COL16A1: variants seen among roughly 807,000 people sequenced by gnomAD.
COL16A1 encodes collagen alpha-1(XVI) chain.
In COL16A1, 189 loss-of-function variants were observed where a neutral mutation model predicts 266.3. That is an observed-to-expected ratio of 0.71 (90% CI 0.63 to 0.80). The LOEUF is 0.80. COL16A1 is among the 30% of genes least tolerant of loss of function. COL16A1 has a pLI of 0.00. For missense variants in COL16A1, 1,928 were observed against 2,122.4 expected (o/e 0.91, Z 1.80); for synonymous variants, 740 against 782.3 (o/e 0.95, Z 0.90).
At chr1:31,672,933 C>CAGGGA in intron 44 of COL16A1, 93 bp from the exon 45 acceptor site, 5 of 1,177,180 alleles carry the variant, frequency 4.2e-6, no homozygotes, top group Non-Finnish European at 6.2e-6. Flanking sequence ...AGAGCCAGGG[C>CAGGGA]TCCCTGCCCT....
At chr1:31,665,105 G>T in intron 56 of COL16A1, 67 bp downstream of exon 56, 1 of 1,575,112 alleles carries the variant, frequency 6.3e-7, no homozygotes. Flanking sequence ...GATGCTAGGG[G>T]TGGGACAGGG....
intron 39 of COL16A1, 50 bp downstream of exon 39, chr1:31,680,855 G>C: frequency 3.7e-6 from 6 of 1,613,716 alleles, no homozygotes; most frequent in Non-Finnish European, 5.1e-6. Context: ...GGGAAGGCTG[G>C]AGGGGCTGCT....
At chr1:31,658,598 C>G (rs371664162) in intron 63 of COL16A1, 21 bp from the exon 64 acceptor site, 1 of 1,583,652 alleles carries the variant, frequency 6.3e-7, no homozygotes, top group Non-Finnish European at 8.6e-7. Context: ...GGAAGGGGGA[C>G]AGTGAGAGGG....
In COL16A1 at chr1:31,658,595, G is replaced by A; in HGVS notation, c.3931-18C>T. On this transcript the variant is annotated intron_variant, in intron 63 of 70. Transcript: ENST00000373672. ...TTCAGACCCTAGAGAATAGGAAGGG[G>A]GACAGTGAGAGGGGAGGAAAGCAGG... 6.3e-7 allele frequency: 1 copy of A among 1,589,240 alleles called. No homozygotes were observed. Among genetic ancestry groups the A allele is most frequent in the Non-Finnish European group, 8.6e-7 (1 of 1,167,680 alleles).
Position 31,696,135 on chromosome 1 carries a change from C to T in COL16A1, c.871G>A (p.Ala291Thr). The T allele has an allele frequency of 8.1e-6, 13 of 1,612,122 alleles. No homozygotes were observed. The highest frequency in any genetic ancestry group is 1.1e-5 in the Non-Finnish European group (13 of 1,179,546). ...TGGCTGATTCTTCCCGTCAGCTGGG[C>T]ATCCACCTGGGCAGACAGAGCAAAG... ...LEEPQNSEVD[A>T]QLTGRISQKA... Residue 291 changes from alanine (A) to threonine (T), a missense_variant, in exon 9 of 71, where the codon GCC becomes ACC. Physicochemically the swap from Ala to Thr is moderately conservative, Grantham distance 58. Transcript: ENST00000373672.
intron 39 of COL16A1, among the ~76,000 whole-genome samples, chr1:31,680,644 G>A (rs1276867116): frequency 6.6e-6 from 1 of 152,138 alleles, no homozygotes; most frequent in Non-Finnish European, 1.5e-5. Flanking sequence ...CATAATCCTG[G>A]TTGAGTCCCA....
intron 41 of COL16A1, 39 bp downstream of exon 41, chr1:31,679,765 C>T (rs781014437): frequency 1.4e-5 from 22 of 1,591,380 alleles, no homozygotes; most frequent in African/African-American, 2.7e-5. Context: ...GTGGACAAGC[C>T]GCGGGGCGCT....
At chr1:31,679,778 C>T (rs923229748) in intron 41 of COL16A1, 26 bp downstream of exon 41, 30 of 1,582,568 alleles carry the variant, frequency 1.9e-5, no homozygotes, top group Middle Eastern at 2.1e-4. Flanking sequence ...GGGGCGCTGG[C>T]GGACAAGAGG....
chr1:31,667,626 G>T lies in COL16A1; in HGVS notation c.3306C>A (p.Gly1102=). The part of the protein sequence containing the change: ...PGATGPPGLP[G]IKGERGYTGS... ...CGGTGTAGCCACGCTCCCCCTTGAT[G>T]CCCTGACAAGTGGCAAAGAGACAGT... is the stretch of plus-strand genomic sequence containing the variant. The change falls in exon 52 of 71, where the codon GGC becomes GGA. Residue 1102 remains glycine (G), a splice_region_variant and synonymous_variant. Coordinates refer to ENST00000373672, the MANE Select transcript of COL16A1 (RefSeq NM_001856.4). 5 of 1,605,438 alleles carry T rather than the reference G, an allele frequency of 3.1e-6. No homozygotes were observed. The highest frequency in any genetic ancestry group is 4.3e-6 in the Non-Finnish European group (5 of 1,176,272).
intron 26 of COL16A1, among the ~76,000 whole-genome samples, chr1:31,687,382 A>C (rs1224335276): frequency 3.6e-5 from 4 of 111,566 alleles, no homozygotes; most frequent in African/African-American, 1.8e-4. Context: ...ACTCAGTCTC[A>C]AAAAAAAAAA....
chr1:31,673,740 G>A (rs1642941949), intron 44 of COL16A1, among the ~76,000 whole-genome samples: 1 of 152,278 alleles, frequency 6.6e-6, no homozygotes, highest in Non-Finnish European at 1.5e-5. Context: ...GAAAGTGGGA[G>A]CCTGGATTGG....
At chr1:31,691,294 T>A in intron 19 of COL16A1, 68 bp from the exon 20 acceptor site, 1 of 1,601,410 alleles carries the variant, frequency 6.2e-7, no homozygotes, top group East Asian at 2.2e-5. Context: ...TCTTCTACCC[T>A]CACCCTCTCC....
chr1:31,693,221 C>G, intron 12 of COL16A1, 67 bp from the exon 13 acceptor site: 1 of 1,038,804 alleles, frequency 9.6e-7, no homozygotes, highest in Non-Finnish European at 1.5e-6. Context: ...GAAAGCTCTC[C>G]CCACTTCTGG....
At position 31,663,718 on chromosome 1, in the gene COL16A1, G is replaced by A. The variant is rs1339592752; in HGVS notation, c.3556-1060C>T. On this transcript the variant is annotated intron_variant, in intron 56 of 70. Transcript: ENST00000373672. The surrounding 1 kb of genome is among the most constrained non-coding windows in gnomAD (Gnocchi z 4.9). Reference sequence around the variant, plus strand: ...GAGGTTTTTACATTTGCTTTTATGTGATAAAAAGACTCTGGGACTACAAAA... The same window carrying A: ...GAGGTTTTTACATTTGCTTTTATGTAATAAAAAGACTCTGGGACTACAAAA... 6.6e-6 allele frequency among the ~76,000 whole-genome samples: 1 copy of A among 152,148 alleles called. No individual in the cohort carries two copies. Among genetic ancestry groups the A allele is most frequent in the Non-Finnish European group, 1.5e-5 (1 of 68,032 alleles).
chr1:31,702,730 C>T (rs931711345), intron 1 of COL16A1, among the ~76,000 whole-genome samples: 7 of 152,198 alleles, frequency 4.6e-5, no homozygotes, highest in African/African-American at 1.7e-4. Context: ...CAGGCACCCA[C>T]AGGGTCAGGG....
At chr1:31,655,810 C>T (rs1202857247) in intron 66 of COL16A1, 2 of 405,370 alleles carry the variant, frequency 4.9e-6, no homozygotes, top group Non-Finnish European at 8.9e-6. Context: ...GCCTCCTCTC[C>T]CCACCCTCTG....
intron 16 of COL16A1, 65 bp from the exon 17 acceptor site, chr1:31,692,132 T>G: frequency 3.1e-6 from 5 of 1,609,144 alleles, no homozygotes; most frequent in Non-Finnish European, 4.2e-6. Flanking sequence ...GGCAGCTCCA[T>G]CTGGTGGAGG....
intron 12 of COL16A1, 73 bp downstream of exon 12, chr1:31,694,071 A>G (rs574585438): frequency 2.1e-6 from 3 of 1,423,718 alleles, no homozygotes; most frequent in Admixed American, 1.8e-5. Context: ...ACACAGCCAC[A>G]GGGTCACATG....
At position 31,680,933 on chromosome 1, in the gene COL16A1, T is replaced by A. The variant is rs1190351418; in HGVS notation, c.2584-2A>T. ...CTCTCCTCGTGGTCCTTTTTCACCCTGCAGGGAAGAAACACAGGAAGGTGA... is the reference window on the plus strand; with the variant it reads ...CTCTCCTCGTGGTCCTTTTTCACCCAGCAGGGAAGAAACACAGGAAGGTGA... On this transcript the variant is annotated splice_acceptor_variant, in intron 38 of 70. Coordinates refer to ENST00000373672, the MANE Select transcript of COL16A1 (RefSeq NM_001856.4). LOFTEE classifies it high-confidence loss of function. The A allele has an allele frequency of 6.2e-7, 1 of 1,614,028 alleles. No homozygotes were observed. Among genetic ancestry groups the A allele is most frequent in the African/African-American group, 1.3e-5 (1 of 74,914 alleles).
Sources: gnomAD v4.1 joint callset for allele counts (sites outside exome capture counted in the v4.1 genomes callset) on GRCh38, gnomAD v4.1.1 for gene constraint, Gnocchi (gnomAD v3.1) non-coding constraint, MANE v1.5 for transcripts, NCBI Gene and HGNC (gene_info 2026-07-23, HGNC 2026-07-21) for gene names.